The following ERC1 variants were observed in gnomAD, a reference collection of about 807,000 sequenced individuals.
The protein encoded by ERC1 is RAB6 interacting protein 2.
A neutral mutation model predicts 132.0 loss-of-function variants in ERC1; 56 were observed. The ratio of observed to expected loss-of-function variants is 0.42; its 90% CI spans 0.34 to 0.53. The LOEUF (loss-of-function observed/expected upper bound fraction) is 0.53, where lower values mean the gene tolerates loss of function less well. ERC1 is among the 20% of genes least tolerant of loss of function. The probability of loss-of-function intolerance (pLI) is 0.03; values close to 1 mark genes in which losing one functional copy is unlikely to be tolerated. For missense variants in ERC1, 1,202 were observed against 1,349.9 expected, an observed-to-expected ratio of 0.89 and a Z score of 1.72; for synonymous variants, 478 against 476.1, an observed-to-expected ratio of 1.00 and a Z score of -0.05.
In ERC1 at chr12:1,028,442, G is replaced by A. The variant is rs1967281192; in HGVS notation, c.539G>A (p.Ser180Asn). 6.2e-7 allele frequency: 1 copy of A among 1,614,110 alleles called. No individual in the cohort carries two copies. The highest frequency in any genetic ancestry group is 1.1e-5 in the South Asian group (1 of 91,074). ...GTGGAAGTAAAGGAGAGCAAATTGA[G>A]TTCTTCAATGAATAGCATCAAGACC... ...KDVEVKESKLSSSMNSIKTFW... is the reference protein window; with the variant it reads ...KDVEVKESKLNSSMNSIKTFW... Residue 180 changes from serine to asparagine, a missense_variant, in exon 2 of 19, where the codon AGT (serine) becomes AAT (asparagine). Physicochemically the swap from Ser to Asn is conservative, Grantham distance 46. Coordinates refer to ENST00000360905, the MANE Select transcript of ERC1 (RefSeq NM_178040.4).
At chr12:1,291,972 G>A (rs1224222465) in intron 15 of ERC1, among the ~76,000 whole-genome samples, 1 of 152,044 alleles carries the variant, frequency 6.6e-6, no homozygotes, top group Non-Finnish European at 1.5e-5. Context: ...TTTTATGTTA[G>A]CGTTTTTCCC....
At chr12:1,340,875 C>G (rs866863455) in intron 15 of ERC1, among the ~76,000 whole-genome samples, 1 of 152,012 alleles carries the variant, frequency 6.6e-6, no homozygotes, top group African/African-American at 2.4e-5. Flanking sequence ...GCTGAGATTA[C>G]AGGCATGAGC....
intron 13 of ERC1, among the ~76,000 whole-genome samples, chr12:1,254,186 T>A (rs1412610709): frequency 1.3e-5 from 2 of 152,220 alleles, no homozygotes; most frequent in Non-Finnish European, 2.9e-5. Flanking sequence ...TATGAACTAT[T>A]TAAAATGATA....
Position 1,490,231 on chromosome 12 carries a change from C to A in ERC1, c.*1C>A. On this transcript the variant is annotated 3_prime_UTR_variant, in exon 19 of 19. Transcript: ENST00000360905. ...CAACGCCCTGGAAGAGTCCTCTTGA[C>A]CCTGCTTTATGGGGAAGCCTGAGGT... 5 of 1,613,522 alleles carry A rather than the reference C, an allele frequency of 3.1e-6. No individual in the cohort carries two copies. Among genetic ancestry groups the A allele is most frequent in the Non-Finnish European group, 4.2e-6 (5 of 1,179,638 alleles).
chr12:1,203,032 A>G (rs1386044198), intron 12 of ERC1, among the ~76,000 whole-genome samples: 1 of 152,222 alleles, frequency 6.6e-6, no homozygotes, highest in Non-Finnish European at 1.5e-5. Context: ...CAGATAAATT[A>G]TGCCCAGGTG....
At chr12:1,316,503 CAT>C (rs1312190683) in intron 15 of ERC1, among the ~76,000 whole-genome samples, 44 of 152,030 alleles carry the variant, frequency 2.9e-4, no homozygotes, top group Admixed American at 2.8e-3. Flanking sequence ...ATGACATACT[CAT>C]ATGAAAAAAT....
chr12:1,035,733 T>C lies in ERC1; in HGVS notation c.669+7161T>C, dbSNP rs967336298. On this transcript the variant is annotated intron_variant, in intron 2 of 18. Transcript: ENST00000360905. ...GTCAGGAGATCGAGACCATCCTGGC[T>C]AACACGGTGAAACCCCGTCTCTACT... is the stretch of plus-strand genomic sequence containing the variant. Among the ~76,000 whole-genome samples, 31 of 151,998 alleles carry C rather than the reference T, an allele frequency of 2.0e-4. No individual in the cohort carries two copies. The East Asian group carries it at 3.9e-3, about 19-fold the overall frequency.
chr12:1,304,878 C>T (rs2080742683), intron 15 of ERC1, among the ~76,000 whole-genome samples: 1 of 148,400 alleles, frequency 6.7e-6, no homozygotes, highest in East Asian at 2.0e-4. Context: ...CAAGCTCCGC[C>T]TCCCGGGTTG....
chr12:1,354,638 T>G (rs1419734388), intron 15 of ERC1, among the ~76,000 whole-genome samples: 1 of 152,148 alleles, frequency 6.6e-6, no homozygotes, highest in Non-Finnish European at 1.5e-5. Flanking sequence ...TCTTGAAGAA[T>G]CATTTATTTA....
intron 12 of ERC1, among the ~76,000 whole-genome samples, chr12:1,211,118 A>G: frequency 6.6e-6 from 1 of 152,114 alleles, no homozygotes; most frequent in Non-Finnish European, 1.5e-5. Flanking sequence ...GTGAAAAATA[A>G]TCCCCTTCAA....
intron 15 of ERC1, among the ~76,000 whole-genome samples, chr12:1,326,501 A>G (rs2082454627): frequency 6.6e-6 from 1 of 152,158 alleles, no homozygotes; most frequent in African/African-American, 2.4e-5. Context: ...TGATAGTACC[A>G]TTTTCCAGCT....
At position 1,476,411 on chromosome 12, in the gene ERC1, A is replaced by G. The variant is rs1461738356; in HGVS notation, c.3214-13682A>G. Among the ~76,000 whole-genome samples, 6 of 152,146 alleles carry G rather than the reference A, an allele frequency of 3.9e-5. No individual in the cohort carries two copies. The East Asian group carries it at 5.8e-4, about 15-fold the overall frequency. Reference sequence around the variant, plus strand: ...ACTCCAGCCTGGGCAACAGAGCAAGACTCTTTCTCTTCAAAAGAAAAAAAA... The same window carrying G: ...ACTCCAGCCTGGGCAACAGAGCAAGGCTCTTTCTCTTCAAAAGAAAAAAAA... On this transcript the variant is annotated intron_variant, in intron 18 of 18. Coordinates refer to ENST00000360905, the MANE Select transcript of ERC1 (RefSeq NM_178040.4).
intron 1 of ERC1, among the ~76,000 whole-genome samples, chr12:1,009,527 G>A (rs1964337880): frequency 6.6e-6 from 1 of 152,010 alleles, no homozygotes; most frequent in Admixed American, 6.6e-5. Flanking sequence ...CAACTTACTG[G>A]GCCTAATACA....
In ERC1 at chr12:1,318,545, TAAAC is replaced by T. The variant is rs372634651; in HGVS notation, c.2780+28537_2780+28540del. ...TGGGATTCCAGCAAAGGTCACAAAT[TAAAC>T]AAAGTCAGGATTAATCAAGACTATA... is the stretch of plus-strand genomic sequence containing the variant. On this transcript the variant is annotated intron_variant, in intron 15 of 18. Coordinates refer to ENST00000360905, the MANE Select transcript of ERC1 (RefSeq NM_178040.4). Among the ~76,000 whole-genome samples, 16 of 152,310 alleles carry T rather than the reference TAAAC, an allele frequency of 1.1e-4. No homozygotes were observed. In the East Asian group the frequency reaches 1.2e-3, roughly 11 times the overall value.
chr12:1,137,648 G>A (rs1459922198), intron 7 of ERC1, among the ~76,000 whole-genome samples: 1 of 150,948 alleles, frequency 6.6e-6, no homozygotes, highest in Admixed American at 6.6e-5. Context: ...TCAGGAGTTC[G>A]AGACCAGCCT....
chr12:997,541 C>T (rs1009107727), intron 1 of ERC1, among the ~76,000 whole-genome samples: 2 of 152,136 alleles, frequency 1.3e-5, no homozygotes, highest in African/African-American at 2.4e-5. Context: ...ATTGAAATGA[C>T]ACAGGATGGT....
intron 17 of ERC1, among the ~76,000 whole-genome samples, chr12:1,421,299 G>A (rs568321655): frequency 7.2e-5 from 11 of 152,294 alleles, no homozygotes; most frequent in African/African-American, 2.6e-4. Flanking sequence ...CAGCAGCATT[G>A]CAGTAGAGAA....
At chr12:1,223,491 T>G (rs945988136) in intron 12 of ERC1, among the ~76,000 whole-genome samples, 2 of 152,236 alleles carry the variant, frequency 1.3e-5, no homozygotes, top group Non-Finnish European at 2.9e-5. Context: ...ATTGGGTGTT[T>G]CTACCAAACA....
At position 1,493,729 on chromosome 12, in the gene ERC1, C is replaced by A. The variant is rs182805884; in HGVS notation, c.*3499C>A. ...AGCAGACTGGACCCAAGGCCGCCTT[C>A]AGTGTCAAGAAGGGCATTGTGACTT... On this transcript the variant is annotated 3_prime_UTR_variant, in exon 19 of 19. Transcript: ENST00000360905. 934 of 210,792 alleles carry A rather than the reference C, an allele frequency of 4.4e-3. 7 individuals carry two copies. Among genetic ancestry groups the A allele is most frequent in the African/African-American group, 0.019 (854 of 43,812 alleles). The allele number at this position is 210,792 out of a possible 1,614,324, so 13.1% of individuals were successfully genotyped here. A position where few individuals can be genotyped will look rare whatever the true frequency, so the allele number is the denominator to read the frequency against.
Sources: allele counts gnomAD v4.1 joint callset (sites outside exome capture counted in the v4.1 genomes callset), GRCh38; gene constraint gnomAD v4.1.1; transcripts MANE v1.5; gene names NCBI Gene and HGNC (gene_info 2026-07-23, HGNC 2026-07-21).